Variants in BLACAT1 observed in about 807,000 individuals in gnomAD.
The protein encoded by BLACAT1 is BLACAT1 overlapping LEMD1 locus.
At position 205,448,400 on chromosome 1, in the gene BLACAT1, AG is replaced by A. The variant is rs1207625813; in HGVS notation, c.-36-7339del. Reference sequence around the variant, plus strand: ...AAAGCCATAGGCCACAGCAGAGTGGAGGGGTCCAGCGGCAGGAATCTCATAG... The same window carrying A: ...AAAGCCATAGGCCACAGCAGAGTGGAGGGTCCAGCGGCAGGAATCTCATAG... On this transcript the variant is annotated intron_variant, in intron 1 of 1. Coordinates refer to ENST00000629624, the Ensembl canonical transcript of BLACAT1. The surrounding 1 kb of genome is among the most constrained non-coding windows in gnomAD (Gnocchi z 4.7). The A allele has an allele frequency of 1.9e-6, 1 of 534,176 alleles. No individual in the cohort carries two copies. The highest frequency in any genetic ancestry group is 1.9e-5 in the African/African-American group (1 of 51,924). The allele number at this position is 534,176 out of a possible 1,614,324, so 33.1% of individuals were successfully genotyped here. A position where few individuals can be genotyped will look rare whatever the true frequency, so the allele number is the denominator to read the frequency against.
chr1:205,440,348 G>C (rs1666271842), exon 2 of BLACAT1, among the ~76,000 whole-genome samples: 1 of 152,214 alleles, frequency 6.6e-6, no homozygotes, highest in South Asian at 2.1e-4. Flanking sequence ...CCTCCTCACT[G>C]GGCTGGCCAC....
chr1:205,439,204 T>C (rs1224496407), downstream of BLACAT1, among the ~76,000 whole-genome samples: 1 of 151,700 alleles, frequency 6.6e-6, no homozygotes, highest in African/African-American at 2.4e-5. Context: ...AACCAGGGAG[T>C]TTTTCTTCTG....
chr1:205,448,447 C>G lies in BLACAT1; in HGVS notation c.-36-7385G>C, dbSNP rs773013892. On this transcript the variant is annotated intron_variant, in intron 1 of 1. Transcript: ENST00000629624. This position sits in a 1 kb window ranked among gnomAD's most constrained non-coding sequence, Gnocchi z 4.7. Reference sequence around the variant, plus strand: ...CATAGGGAAGCGAGAAGCTGGGGCACCCGAGAAGCCCTCACTCCCCTTCTC... The same window carrying G: ...CATAGGGAAGCGAGAAGCTGGGGCAGCCGAGAAGCCCTCACTCCCCTTCTC... 1.9e-6 allele frequency: 1 copy of G among 529,712 alleles called. No homozygotes were observed. The highest frequency in any genetic ancestry group is 3.9e-6 in the Non-Finnish European group (1 of 259,048). The allele number at this position is 529,712 out of a possible 1,614,324, so 32.8% of individuals were successfully genotyped here. A position where few individuals can be genotyped will look rare whatever the true frequency, so the allele number is the denominator to read the frequency against.
chr1:205,442,460 TG>T (rs1666310869), intron 1 of BLACAT1, among the ~76,000 whole-genome samples: 1 of 152,164 alleles, frequency 6.6e-6, no homozygotes, highest in Non-Finnish European at 1.5e-5. Flanking sequence ...CTTGCCCTTT[TG>T]GAAAAACTTC....
rs557974306 is a variant in BLACAT1, at chr1:205,450,283, C to T, written c.-37+5634G>A. ...CTCTGAACCAGCCATGTATTACTCA[C>T]GTCCCCCTGCCGGGCTATTGGTGCA... On this transcript the variant is annotated intron_variant, in intron 1 of 1. Coordinates refer to ENST00000629624, the Ensembl canonical transcript of BLACAT1. The surrounding 1 kb of genome is among the most constrained non-coding windows in gnomAD (Gnocchi z 4.4). Among the ~76,000 whole-genome samples, 5 of 152,114 alleles carry T rather than the reference C, an allele frequency of 3.3e-5. No individual in the cohort carries two copies. The highest frequency in any genetic ancestry group is 1.9e-4 in the East Asian group (1 of 5,190).
In BLACAT1 at chr1:205,450,912, C is replaced by T. The variant is rs1165004467; in HGVS notation, c.-37+5005G>A. Among the ~76,000 whole-genome samples the T allele has an allele frequency of 6.6e-6, 1 of 152,186 alleles. No homozygotes were observed. The highest frequency in any genetic ancestry group is 2.4e-5 in the African/African-American group (1 of 41,432). ...CGAGGAAAACCCTGCTTCCTCCAAT[C>T]CCGAGAACCTGGGCAGTGAAAGGCC... On this transcript the variant is annotated intron_variant, in intron 1 of 1. Transcript: ENST00000629624. The surrounding 1 kb of genome is among the most constrained non-coding windows in gnomAD (Gnocchi z 4.4).
At chr1:205,442,841 TAG>T (rs1666318912) in intron 1 of BLACAT1, among the ~76,000 whole-genome samples, 2 of 152,162 alleles carry the variant, frequency 1.3e-5, no homozygotes, top group Non-Finnish European at 2.9e-5. Context: ...GTGACAAACC[TAG>T]AGAGAGACGG....
rs1480661827 is a variant in BLACAT1 at position 205,455,950 on chromosome 1, A to G, written c.-70T>C. On this transcript the variant is annotated 5_prime_UTR_variant, in exon 1 of 2. Coordinates refer to ENST00000629624, the Ensembl canonical transcript of BLACAT1. ...TGCTAAGCCGGCTCCTCTTGCACTC[A>G]CTTCCTTTGTGTCTCTCTCTCTCTT... The G allele has an allele frequency of 3.8e-4, 58 of 151,694 alleles. 1 individual carries two copies. The highest frequency in any genetic ancestry group is 3.8e-3 in the Admixed American group (58 of 15,236). The allele number at this position is 151,694 out of a possible 1,614,324, so 9.4% of individuals were successfully genotyped here.
intron 1 of BLACAT1, among the ~76,000 whole-genome samples, chr1:205,445,437 C>A (rs1666372001): frequency 6.6e-6 from 1 of 152,234 alleles, no homozygotes; most frequent in Non-Finnish European, 1.5e-5. Context: ...CCTTCTTGGC[C>A]TGCTTGAGCC....
chr1:205,453,411 T>G (rs1408636038), intron 1 of BLACAT1, among the ~76,000 whole-genome samples: 1 of 152,160 alleles, frequency 6.6e-6, no homozygotes, highest in East Asian at 1.9e-4. Flanking sequence ...TCCCTCTCAT[T>G]TAACAGCTTG....
rs1271855718 is a variant in BLACAT1, at chr1:205,441,762, G to A, written c.-36-700C>T. Among the ~76,000 whole-genome samples, 1 of 152,192 alleles carries A rather than the reference G, an allele frequency of 6.6e-6. No individual in the cohort carries two copies. The highest frequency in any genetic ancestry group is 1.5e-5 in the Non-Finnish European group (1 of 68,032). On this transcript the variant is annotated intron_variant, in intron 1 of 1. Coordinates refer to ENST00000629624, the Ensembl canonical transcript of BLACAT1. The surrounding 1 kb of genome is among the most constrained non-coding windows in gnomAD (Gnocchi z 4.3). ...ATTTAGCACCTATGCTGGGCAAAGG[G>A]TTGAGAGGTAGATACAAAAGGGTAA...
At position 205,448,986 on chromosome 1, in the gene BLACAT1, C is replaced by T. The variant is rs1666450266; in HGVS notation, c.-37+6931G>A. 6.6e-6 allele frequency among the ~76,000 whole-genome samples: 1 copy of T among 152,044 alleles called. No homozygotes were observed. Among genetic ancestry groups the T allele is most frequent in the Non-Finnish European group, 1.5e-5 (1 of 68,000 alleles). ...CTACCCAGACCAGTCTGGGTGGTTA[C>T]CGACAACACCCATTCTTGCATAGTT... On this transcript the variant is annotated intron_variant, in intron 1 of 1. Coordinates refer to ENST00000629624, the Ensembl canonical transcript of BLACAT1. The surrounding 1 kb of genome is among the most constrained non-coding windows in gnomAD (Gnocchi z 4.7).
chr1:205,440,316 A>T (rs1321084816), exon 2 of BLACAT1, among the ~76,000 whole-genome samples: 1 of 152,190 alleles, frequency 6.6e-6, no homozygotes. Context: ...GGAGCCACGG[A>T]GCCACTGGCC....
downstream of BLACAT1, chr1:205,437,364 G>C (rs12023620): frequency 6.6e-3 from 1,001 of 152,576 alleles, 23 homozygotes; most frequent in East Asian, 0.095. Flanking sequence ...AAGTGAGAAC[G>C]TACATAAGAG....
intron 1 of BLACAT1, among the ~76,000 whole-genome samples, chr1:205,443,201 T>C (rs1666324938): frequency 6.6e-6 from 1 of 152,138 alleles, no homozygotes; most frequent in African/African-American, 2.4e-5. Flanking sequence ...AAGGCTAATC[T>C]GGGAAGGAAC....
intron 1 of BLACAT1, among the ~76,000 whole-genome samples, chr1:205,451,362 T>C (rs1446537124): frequency 6.6e-6 from 1 of 152,126 alleles, no homozygotes; most frequent in Non-Finnish European, 1.5e-5. Context: ...CCTCAGGTAC[T>C]CCCATTCAGC....
chr1:205,440,106 A>G (rs7550239), exon 2 of BLACAT1, among the ~76,000 whole-genome samples: 136,568 of 152,072 alleles, frequency 0.9, 61,924 homozygotes, highest in East Asian at 0.99. Flanking sequence ...CAGGAGAATC[A>G]AGGGAGGGCA....
intron 1 of BLACAT1, among the ~76,000 whole-genome samples, chr1:205,442,008 T>C (rs1446266650): frequency 2.0e-5 from 3 of 152,194 alleles, no homozygotes; most frequent in Non-Finnish European, 4.4e-5. Flanking sequence ...CATTTAGGTT[T>C]CCCTAGCCTT....
intron 1 of BLACAT1, among the ~76,000 whole-genome samples, chr1:205,443,839 C>T (rs978625561): frequency 2.6e-5 from 4 of 152,266 alleles, no homozygotes; most frequent in Middle Eastern, 3.4e-3. Flanking sequence ...TTTCCGTATC[C>T]CTGCCCGCTG....
Sources: gnomAD v4.1 joint callset for allele counts (sites outside exome capture counted in the v4.1 genomes callset) on GRCh38, gnomAD v4.1.1 for gene constraint, Gnocchi (gnomAD v3.1) non-coding constraint, MANE v1.5 for transcripts, NCBI Gene and HGNC (gene_info 2026-07-23, HGNC 2026-07-21) for gene names.